The following OSBPL8 variants were observed in gnomAD, a reference collection of about 807,000 sequenced individuals.
OSBPL8 encodes oxysterol binding protein like 8, also known as oxysterol-binding protein-related protein 8.
In OSBPL8, 59 loss-of-function variants were observed where a neutral mutation model predicts 125.5. That is an observed-to-expected ratio of 0.47 (90% CI 0.38 to 0.58). The LOEUF (loss-of-function observed/expected upper bound fraction) is 0.58, where lower values mean the gene tolerates loss of function less well. Among genes scored for constraint, OSBPL8 ranks in the 20% least tolerant of loss-of-function variants. The pLI is 0.00. For synonymous variants in OSBPL8, 330 were observed against 338.9 expected, an observed-to-expected ratio of 0.97 and a Z score of 0.29; for missense variants, 758 against 1,047.8, an observed-to-expected ratio of 0.72 and a Z score of 3.82.
chr12:76,511,843 T>C (rs1051095253), intron 1 of OSBPL8, among the ~76,000 whole-genome samples: 1 of 152,142 alleles, frequency 6.6e-6, no homozygotes, highest in African/African-American at 2.4e-5. Context: ...TCTGCCAGGG[T>C]TTATAGTTTT....
intron 21 of OSBPL8, among the ~76,000 whole-genome samples, chr12:76,367,359 C>T (rs1299289019): frequency 2.4e-4 from 36 of 151,890 alleles, no homozygotes; most frequent in Admixed American, 2.4e-3. Context: ...CCTCAGTTTT[C>T]CTTTGGTTAC....
intron 1 of OSBPL8, among the ~76,000 whole-genome samples, chr12:76,488,424 CAA>C (rs1445916782): frequency 6.6e-6 from 1 of 152,136 alleles, no homozygotes; most frequent in African/African-American, 2.4e-5. Flanking sequence ...CTTTACTGCA[CAA>C]AGAGATACTG....
At chr12:76,531,564 A>G (rs1950339504) in intron 1 of OSBPL8, among the ~76,000 whole-genome samples, 1 of 152,234 alleles carries the variant, frequency 6.6e-6, no homozygotes, top group Non-Finnish European at 1.5e-5. Context: ...CAATATGTGA[A>G]GAGTACTGTG....
intron 4 of OSBPL8, among the ~76,000 whole-genome samples, chr12:76,416,476 C>A (rs1184273785): frequency 1.3e-5 from 2 of 151,968 alleles, no homozygotes; most frequent in African/African-American, 2.4e-5. Context: ...GATTTTTGTC[C>A]TTTTCTCCCT....
intron 4 of OSBPL8, among the ~76,000 whole-genome samples, chr12:76,446,748 T>C (rs1872762515): frequency 6.6e-6 from 1 of 152,174 alleles, no homozygotes; most frequent in Admixed American, 6.5e-5. Context: ...CTAGGCTTTA[T>C]ATACATATTA....
At chr12:76,520,972 T>C (rs1882013845) in intron 1 of OSBPL8, among the ~76,000 whole-genome samples, 1 of 152,200 alleles carries the variant, frequency 6.6e-6, no homozygotes, top group African/African-American at 2.4e-5. Context: ...AATTTTGACA[T>C]TCTTCTGCTC....
Position 76,400,677 on chromosome 12 carries a change from A to C in OSBPL8, c.367-703T>G, listed in dbSNP as rs1371755358. On this transcript the variant is annotated intron_variant, in intron 6 of 23. Coordinates refer to ENST00000261183, the MANE Select transcript of OSBPL8 (RefSeq NM_020841.5). ...CCGCTGTAGAATTCCAGAATCTTAC[A>C]ATAAAAATACTGTATTTTTTTTTTT... Among the ~76,000 whole-genome samples, 9 of 152,122 alleles carry C rather than the reference A, an allele frequency of 5.9e-5. No individual in the cohort carries two copies. The South Asian group carries it at 1.7e-3, about 28-fold the overall frequency.
At chr12:76,365,628 C>A (rs1450293309) in intron 21 of OSBPL8, among the ~76,000 whole-genome samples, 2 of 152,014 alleles carry the variant, frequency 1.3e-5, no homozygotes, top group South Asian at 2.1e-4. Context: ...ACTTCCAGTA[C>A]AATGGTAAGT....
intron 3 of OSBPL8, among the ~76,000 whole-genome samples, chr12:76,455,409 T>G (rs991246999): frequency 2.0e-5 from 3 of 152,208 alleles, no homozygotes; most frequent in Non-Finnish European, 4.4e-5. Context: ...TTAAAATACT[T>G]TATAAGAACC....
At position 76,394,757 on chromosome 12, in the gene OSBPL8, G is replaced by A. The variant is rs200561488; in HGVS notation, c.673-28C>T. 4.2e-5 allele frequency: 63 copies of A among 1,485,276 alleles called. No homozygotes were observed. In the East Asian group the frequency reaches 1.2e-3, roughly 28 times the overall value. The allele number at this position is 1,485,276 out of a possible 1,614,324, so 92.0% of individuals were successfully genotyped here. Reference sequence around the variant, plus strand: ...TAATAACAAAATAAACAAAATAAATGGTATAGAGTAATTATTATGAGATCT... The same window carrying A: ...TAATAACAAAATAAACAAAATAAATAGTATAGAGTAATTATTATGAGATCT... On this transcript the variant is annotated intron_variant, in intron 8 of 23. Coordinates refer to ENST00000261183, the MANE Select transcript of OSBPL8 (RefSeq NM_020841.5).
rs576881246 is a variant in OSBPL8 at position 76,359,598 on chromosome 12, G to A, written c.2329-787C>T. On this transcript the variant is annotated intron_variant, in intron 21 of 23. Coordinates refer to ENST00000261183, the MANE Select transcript of OSBPL8 (RefSeq NM_020841.5). ...AGTCAGTTTTTATGCTCCTGATAAA[G>A]ACATTCCCGAGACTGGGATGAAAAG... Among the ~76,000 whole-genome samples, 6 of 152,304 alleles carry A rather than the reference G, an allele frequency of 3.9e-5. No homozygotes were observed. The South Asian group carries it at 1.2e-3, about 32-fold the overall frequency.
At chr12:76,406,110 T>A (rs894076061) in intron 5 of OSBPL8, among the ~76,000 whole-genome samples, 1 of 152,194 alleles carries the variant, frequency 6.6e-6, no homozygotes, top group Non-Finnish European at 1.5e-5. Flanking sequence ...GGTAATATAT[T>A]GTTTCAGGTT....
In OSBPL8 at chr12:76,553,810, T is replaced by G. The variant is rs181422544; in HGVS notation, c.-68+5587A>C. Among the ~76,000 whole-genome samples the G allele has an allele frequency of 6.5e-3, 987 of 151,774 alleles. 6 individuals are homozygous for G. The highest frequency in any genetic ancestry group is 0.038 in the Middle Eastern group (11 of 292). On this transcript the variant is annotated intron_variant, in intron 1 of 23. Coordinates refer to ENST00000261183, the MANE Select transcript of OSBPL8 (RefSeq NM_020841.5). The stretch of plus-strand genomic sequence containing the variant: ...GGCCAATATGGTGAAACCCCATCTC[T>G]ACTAAAAATACAAAAAATTAGCTGG...
chr12:76,380,922 C>G (rs1354976856), intron 15 of OSBPL8, among the ~76,000 whole-genome samples: 1 of 152,118 alleles, frequency 6.6e-6, no homozygotes, highest in Non-Finnish European at 1.5e-5. Flanking sequence ...TCCTTGAGGA[C>G]TAAGAAATAA....
At chr12:76,378,220 C>T (rs1036875615) in intron 16 of OSBPL8, among the ~76,000 whole-genome samples, 1 of 152,116 alleles carries the variant, frequency 6.6e-6, no homozygotes, top group Non-Finnish European at 1.5e-5. Context: ...TATGATAAAT[C>T]AGTCTCTTCT....
chr12:76,494,854 A>G (rs1879114473), intron 1 of OSBPL8, among the ~76,000 whole-genome samples: 1 of 152,164 alleles, frequency 6.6e-6, no homozygotes, highest in South Asian at 2.1e-4. Flanking sequence ...TTGCAGCTCA[A>G]AAAAGAGATC....
chr12:76,526,486 C>T (rs956097812), intron 1 of OSBPL8, among the ~76,000 whole-genome samples: 1 of 151,650 alleles, frequency 6.6e-6, no homozygotes, highest in Admixed American at 6.6e-5. Flanking sequence ...TTTTTTTTTA[C>T]TGGCCTTTAA....
chr12:76,369,089 T>C (rs1952522212), intron 21 of OSBPL8, 125 bp downstream of exon 21: 2 of 1,291,642 alleles, frequency 1.5e-6, no homozygotes, highest in Admixed American at 6.0e-5. Flanking sequence ...GTAAGAAGAG[T>C]TCAGAGCTGC....
At chr12:76,388,997 G>A (rs1953442291) in intron 12 of OSBPL8, among the ~76,000 whole-genome samples, 1 of 152,120 alleles carries the variant, frequency 6.6e-6, no homozygotes, top group African/African-American at 2.4e-5. Flanking sequence ...TGCTGGAATA[G>A]GGGCATCAGG....
Sources: allele counts gnomAD v4.1 joint callset (sites outside exome capture counted in the v4.1 genomes callset), GRCh38; gene constraint gnomAD v4.1.1; transcripts MANE v1.5; gene names NCBI Gene and HGNC (gene_info 2026-07-23, HGNC 2026-07-21).